PML: variants seen among roughly 807,000 people sequenced by gnomAD.
PML encodes the protein protein PML.
In PML, 28 loss-of-function variants were observed where a neutral mutation model predicts 65.2. The ratio of observed to expected loss-of-function variants is 0.43; its 90% CI spans 0.32 to 0.59. The LOEUF (loss-of-function observed/expected upper bound fraction) is 0.59. PML is among the 20% of genes least tolerant of loss of function. PML has a pLI of 0.08. For missense variants in PML, 1,021 were observed against 1,203.4 expected, an observed-to-expected ratio of 0.85 and a Z score of 2.24; for synonymous variants, 500 against 508.8, an observed-to-expected ratio of 0.98 and a Z score of 0.23.
intron 4 of PML, 36 bp downstream of exon 4, chr15:74,024,963 G>A (rs2071007236): frequency 7.0e-7 from 1 of 1,432,238 alleles, no homozygotes; most frequent in Non-Finnish European, 9.9e-7. Context: ...GGTGGTGGTG[G>A]GGCCCAGCAG....
chr15:74,009,695 C>T (rs2141767758), intron 2 of PML, among the ~76,000 whole-genome samples: 1 of 151,388 alleles, frequency 6.6e-6, no homozygotes, highest in South Asian at 2.1e-4. Context: ...GCGGCAGCCT[C>T]AACCTCCCAG....
rs1198822706 is a variant in PML at position 74,000,228 on chromosome 15, G to A, written c.602+1752G>A. Reference sequence around the variant, plus strand: ...CATGGGAGTCTGTTTCAAATTCATAGATGCTCAAGTCTCTGATATAAAATG... The same window carrying A: ...CATGGGAGTCTGTTTCAAATTCATAAATGCTCAAGTCTCTGATATAAAATG... On this transcript the variant is annotated intron_variant, in intron 2 of 8. Transcript: ENST00000268058. 1.3e-5 allele frequency among the ~76,000 whole-genome samples: 2 copies of A among 152,154 alleles called. 1 individual carries two copies.
chr15:74,005,363 T>C (rs533068641), intron 2 of PML, among the ~76,000 whole-genome samples: 1 of 152,336 alleles, frequency 6.6e-6, no homozygotes, highest in South Asian at 2.1e-4. Context: ...TTTGTTTATT[T>C]TTAAAATTTT....
chr15:74,034,049 C>T (rs1304595261), intron 6 of PML: 1 of 347,702 alleles, frequency 2.9e-6, no homozygotes, highest in Non-Finnish European at 5.4e-6. Context: ...ATTCCTTACC[C>T]ACAAATGCTA....
At chr15:74,001,503 C>A (rs2069760850) in intron 2 of PML, among the ~76,000 whole-genome samples, 1 of 152,048 alleles carries the variant, frequency 6.6e-6, no homozygotes, top group Admixed American at 6.6e-5. Flanking sequence ...CCATGCCTGG[C>A]TAATTTTTTT....
rs144576529 is a variant in PML, at chr15:73,994,745, G to A, written c.-68G>A. The A allele has an allele frequency of 1.1e-4, 171 of 1,526,814 alleles. 1 individual carries two copies. The East Asian group carries it at 3.1e-3, about 28-fold the overall frequency. The allele number at this position is 1,526,814 out of a possible 1,614,324, so 94.6% of individuals were successfully genotyped here. A position where few individuals can be genotyped will look rare whatever the true frequency, so the allele number is the denominator to read the frequency against. Reference sequence around the variant, plus strand: ...CAAGGGACTCAGCCAACTGGCTCACGCCTCCCCTTCAGCTTCTCTTCACGC... The same window carrying A: ...CAAGGGACTCAGCCAACTGGCTCACACCTCCCCTTCAGCTTCTCTTCACGC... On this transcript the variant is annotated 5_prime_UTR_variant, in exon 1 of 9. Transcript: ENST00000268058.
chr15:74,043,871 A>C lies in PML; in HGVS notation c.1862-350A>C. Reference sequence around the variant, plus strand: ...GGAAGGAGCATGGGATGGAGAGCTAAGTTCAAGCAGCCTGGGATCTCTAGT... The same window carrying C: ...GGAAGGAGCATGGGATGGAGAGCTACGTTCAAGCAGCCTGGGATCTCTAGT... On this transcript the variant is annotated intron_variant, in intron 8 of 8. Transcript: ENST00000268058. The surrounding 1 kb of genome is among the most constrained non-coding windows in gnomAD (Gnocchi z 4.3). 5.8e-6 allele frequency: 3 copies of C among 515,366 alleles called. No homozygotes were observed. The highest frequency in any genetic ancestry group is 1.1e-5 in the Non-Finnish European group (3 of 269,920). 31.9% of individuals were successfully genotyped at this position (515,366 alleles called of 1,614,324 possible).
intron 2 of PML, among the ~76,000 whole-genome samples, chr15:73,998,775 G>A (rs1172431256): frequency 6.6e-6 from 1 of 152,200 alleles, no homozygotes; most frequent in Non-Finnish European, 1.5e-5. Context: ...CCACTGCTGG[G>A]TGTAGGGGGA....
chr15:74,030,964 T>C (rs1290239130), intron 4 of PML, among the ~76,000 whole-genome samples: 2 of 152,190 alleles, frequency 1.3e-5, no homozygotes, highest in Non-Finnish European at 2.9e-5. Flanking sequence ...ATTTTTTTCT[T>C]TTTAATTTTC....
At chr15:73,994,967 G>A in intron 1 of PML, 26 bp downstream of exon 1, 3 of 1,510,806 alleles carry the variant, frequency 2.0e-6, no homozygotes, top group Non-Finnish European at 2.7e-6. Context: ...GGGATGATGG[G>A]GTTAAGCTTT....
chr15:74,021,456 A>G (rs1194560734), intron 2 of PML, among the ~76,000 whole-genome samples: 2 of 151,996 alleles, frequency 1.3e-5, no homozygotes, highest in Non-Finnish European at 2.9e-5. Context: ...GTGGTGGCGC[A>G]TGCTTGTAAT....
At chr15:74,040,798 T>C (rs1365206167) in intron 7 of PML, among the ~76,000 whole-genome samples, 1 of 152,086 alleles carries the variant, frequency 6.6e-6, no homozygotes, top group African/African-American at 2.4e-5. Flanking sequence ...ATTAACAAGC[T>C]TGGTGGAAAG....
In PML at chr15:74,032,721, G is replaced by C; in HGVS notation, c.1398+6G>C. The C allele has an allele frequency of 6.2e-7, 1 of 1,614,062 alleles. No homozygotes were observed. The highest frequency in any genetic ancestry group is 8.5e-7 in the Non-Finnish European group (1 of 1,179,902). The stretch of plus-strand genomic sequence containing the variant: ...AAGGCCCTTCCTATGGAGAGGTAAG[G>C]TTCTCCCCAGCCCCAGCCTTCCCTC... On this transcript the variant is annotated splice_donor_region_variant and intron_variant, in intron 5 of 8. Transcript: ENST00000268058.
Position 74,043,924 on chromosome 15 carries a change from G to A in PML, c.1862-297G>A, listed in dbSNP as rs184787769. On this transcript the variant is annotated intron_variant, in intron 8 of 8. Coordinates refer to ENST00000268058, the MANE Select transcript of PML (RefSeq NM_033238.3). This position sits in a 1 kb window ranked among gnomAD's most constrained non-coding sequence, Gnocchi z 4.3. ...AGGTGGCTGAGGCTGATAGAAGACA[G>A]GAGGGACCTGTATCCATGGGGTTTG... 7.9e-5 allele frequency among the ~76,000 whole-genome samples: 12 copies of A among 152,308 alleles called. No individual in the cohort carries two copies. The highest frequency in any genetic ancestry group is 2.9e-4 in the African/African-American group (12 of 41,578).
rs1248855090 is a variant in PML at position 74,044,224 on chromosome 15, A to G, written c.1865A>G (p.Gln622Arg). 6.2e-7 allele frequency: 1 copy of G among 1,613,674 alleles called. No homozygotes were observed. The highest frequency in any genetic ancestry group is 2.2e-5 in the East Asian group (1 of 44,860). The change falls in exon 9 of 9, where the codon CAG becomes CGG. Residue 622 changes from glutamine (Q) to arginine (R), a missense_variant. Coordinates refer to ENST00000268058, the MANE Select transcript of PML (RefSeq NM_033238.3). The stretch of plus-strand genomic sequence containing the variant: ...CCTGCCCTTCTCTCCTGCCCAGCCC[A>G]GAAGATTAGCCAGCTGGCTGCGGTG... ...FFDLKIDNET[Q>R]KISQLAAVNR...
At position 73,994,742 on chromosome 15, in the gene PML, C is replaced by A; in HGVS notation, c.-71C>A. On this transcript the variant is annotated 5_prime_UTR_variant, in exon 1 of 9. Coordinates refer to ENST00000268058, the MANE Select transcript of PML (RefSeq NM_033238.3). Reference sequence around the variant, plus strand: ...GCTCAAGGGACTCAGCCAACTGGCTCACGCCTCCCCTTCAGCTTCTCTTCA... The same window carrying A: ...GCTCAAGGGACTCAGCCAACTGGCTAACGCCTCCCCTTCAGCTTCTCTTCA... 2.0e-6 allele frequency: 3 copies of A among 1,520,550 alleles called. No homozygotes were observed. Among genetic ancestry groups the A allele is most frequent in the Non-Finnish European group, 2.7e-6 (3 of 1,119,980 alleles). 94.2% of individuals were successfully genotyped at this position (1,520,550 alleles called of 1,614,324 possible).
At chr15:74,028,974 T>C (rs2071200017) in intron 4 of PML, among the ~76,000 whole-genome samples, 1 of 152,246 alleles carries the variant, frequency 6.6e-6, no homozygotes, top group African/African-American at 2.4e-5. Context: ...TGTACAGATA[T>C]CTCCTTGAGA....
rs759349668 is a variant in PML, at chr15:73,998,446, A to T, written c.572A>T (p.Asn191Ile). Residue 191 changes from asparagine (N) to isoleucine (I), a missense_variant, in exon 2 of 9, where the codon AAC becomes ATC. Asn to Ile is a moderately radical substitution (Grantham distance 149). Coordinates refer to ENST00000268058, the MANE Select transcript of PML (RefSeq NM_033238.3). ...AAGACCAACAACATCTTCTGCTCCA[A>T]CCCCAACCACCGCACCCCTACGCTG... ...TRKTNNIFCS[N>I]PNHRTPTLTS... 1 of 1,613,914 alleles carries T rather than the reference A, an allele frequency of 6.2e-7. No homozygotes were observed. The highest frequency in any genetic ancestry group is 8.5e-7 in the Non-Finnish European group (1 of 1,179,962).
At position 74,043,404 on chromosome 15, in the gene PML, TCAGA is replaced by T. The variant is rs755287165; in HGVS notation, c.1861+270_1861+273del. ...AGTGCACCTCTGACCAGTTCTTCTC[TCAGA>T]CAGAGAGCCTGGGGAACACACTCCT... On this transcript the variant is annotated intron_variant, in intron 8 of 8. Transcript: ENST00000268058. The surrounding 1 kb of genome is among the most constrained non-coding windows in gnomAD (Gnocchi z 4.3). The T allele has an allele frequency of 3.4e-4, 480 of 1,421,926 alleles. 1 individual carries two copies. The highest frequency in any genetic ancestry group is 3.2e-4 in the Admixed American group (11 of 34,602). The allele number at this position is 1,421,926 out of a possible 1,614,324, so 88.1% of individuals were successfully genotyped here. A position where few individuals can be genotyped will look rare whatever the true frequency, so the allele number is the denominator to read the frequency against.
Sources: allele counts gnomAD v4.1 joint callset (sites outside exome capture counted in the v4.1 genomes callset), GRCh38; gene constraint gnomAD v4.1.1; non-coding constraint Gnocchi (gnomAD v3.1); transcripts MANE v1.5; gene names NCBI Gene and HGNC (gene_info 2026-07-23, HGNC 2026-07-21).